FARSA: variants seen among roughly 807,000 people sequenced by gnomAD.
FARSA encodes the protein phenylalanine--tRNA ligase alpha subunit.
Under a neutral mutation model 63.2 loss-of-function variants are expected in FARSA, and 37 were observed. That is an observed-to-expected ratio of 0.59 (90% CI 0.45 to 0.77). The LOEUF (loss-of-function observed/expected upper bound fraction) is 0.77, where lower values mean the gene tolerates loss of function less well. Among genes scored for constraint, FARSA ranks in the 30% least tolerant of loss-of-function variants. The pLI is 0.00. For synonymous variants in FARSA, 312 were observed against 285.1 expected, an observed-to-expected ratio of 1.09 and a Z score of -0.95; for missense variants, 618 against 696.6, an observed-to-expected ratio of 0.89 and a Z score of 1.27.
chr19:12,924,940 T>C lies in FARSA; in HGVS notation c.990A>G (p.Ser330=). ...GGCGGTAGAGCGCACGGGCGCTGGC[T>C]GATGTGGTGTGGGTTCGCAGTAGGT... is the stretch of plus-strand genomic sequence containing the variant. ...RKNLLRTHTT[S]ASARALYRLA... The change falls in exon 9 of 13, where the codon TCA becomes TCG. Residue 330 remains serine, a synonymous_variant. Transcript: ENST00000314606. This position sits in a 1 kb window ranked among gnomAD's most constrained non-coding sequence, Gnocchi z 6.4. 1 of 1,614,224 alleles carries C rather than the reference T, an allele frequency of 6.2e-7. No individual in the cohort carries two copies. The highest frequency in any genetic ancestry group is 8.5e-7 in the Non-Finnish European group (1 of 1,180,030).
intron 4 of FARSA, among the ~76,000 whole-genome samples, chr19:12,929,893 A>G (rs775612798): frequency 1.3e-5 from 2 of 152,130 alleles, no homozygotes; most frequent in Non-Finnish European, 2.9e-5. Flanking sequence ...AAAGAAATGA[A>G]CAAGCACCAA....
intron 1 of FARSA, among the ~76,000 whole-genome samples, chr19:12,931,350 G>T (rs1971392908): frequency 6.6e-6 from 1 of 151,728 alleles, no homozygotes; most frequent in South Asian, 2.1e-4. Flanking sequence ...TGCAACCTCT[G>T]CCTCCCGGGT....
In FARSA at chr19:12,924,257, T is replaced by TC. The variant is rs1971299229; in HGVS notation, c.1281dup (p.Lys428GlufsTer62). The stretch of plus-strand genomic sequence containing the variant: ...CCCGAGTTTCCGACCTCCACCCACT[T>TC]CTTCAGGCCTGCAGAGGCAGGACAG... On this transcript the variant is annotated frameshift_variant, in exon 12 of 13. Coordinates refer to ENST00000314606, the MANE Select transcript of FARSA (RefSeq NM_004461.3). LOFTEE classifies it high-confidence loss of function. The surrounding 1 kb of genome is among the most constrained non-coding windows in gnomAD (Gnocchi z 6.4). 2 of 1,613,890 alleles carry TC rather than the reference T, an allele frequency of 1.2e-6. No individual in the cohort carries two copies. The highest frequency in any genetic ancestry group is 3.3e-5 in the Admixed American group (2 of 60,000).
At position 12,924,908 on chromosome 19, in the gene FARSA, T is replaced by C. The variant is rs35087277; in HGVS notation, c.1022A>G (p.Gln341Arg). The part of the protein sequence containing the change: ...ASARALYRLA[Q>R]KKPFTPVKYF... Reference sequence around the variant, plus strand: ...CCCCGCCTGGGCCAACCGCACCTTCTGGGCAAGGCGGTAGAGCGCACGGGC... The same window carrying C: ...CCCCGCCTGGGCCAACCGCACCTTCCGGGCAAGGCGGTAGAGCGCACGGGC... Residue 341 changes from glutamine (Q) to arginine (R), a missense_variant, in exon 9 of 13, where the codon CAG becomes CGG. Coordinates refer to ENST00000314606, the MANE Select transcript of FARSA (RefSeq NM_004461.3). The surrounding 1 kb of genome is among the most constrained non-coding windows in gnomAD (Gnocchi z 6.4). 47,236 of 1,614,218 alleles carry C rather than the reference T, an allele frequency of 0.029. 843 individuals carry two copies. Among genetic ancestry groups the C allele is most frequent in the Non-Finnish European group, 0.034 (40,510 of 1,180,020 alleles).
In FARSA at chr19:12,924,344, G is replaced by A. The variant is rs1971300059; in HGVS notation, c.1274-79C>T. 6.5e-7 allele frequency: 1 copy of A among 1,531,990 alleles called. No homozygotes were observed. Among genetic ancestry groups the A allele is most frequent in the African/African-American group, 1.4e-5 (1 of 73,490 alleles). 94.9% of individuals were successfully genotyped at this position (1,531,990 alleles called of 1,614,324 possible). ...GCTGGTACAGGTTCTGGGTCTAGGT[G>A]GTGAGCTTGGGAGGTGGGGTACAGG... On this transcript the variant is annotated intron_variant, in intron 11 of 12. Coordinates refer to ENST00000314606, the MANE Select transcript of FARSA (RefSeq NM_004461.3). This position sits in a 1 kb window ranked among gnomAD's most constrained non-coding sequence, Gnocchi z 6.4.
In FARSA at chr19:12,930,866, C is replaced by T. The variant is rs1210624205; in HGVS notation, c.148-117G>A. ...ACAGCCCTTAAAGCTAGGTTCACATCCCAGCTATACAACTTTACAGCCAAG... is the reference window on the plus strand; with the variant it reads ...ACAGCCCTTAAAGCTAGGTTCACATTCCAGCTATACAACTTTACAGCCAAG... On this transcript the variant is annotated intron_variant, in intron 1 of 12. Transcript: ENST00000314606. The T allele has an allele frequency of 6.7e-6, 8 of 1,201,074 alleles. No homozygotes were observed. In the South Asian group the frequency reaches 1.0e-4, roughly 15 times the overall value. 74.4% of individuals were successfully genotyped at this position (1,201,074 alleles called of 1,614,324 possible). A position where few individuals can be genotyped will look rare whatever the true frequency, so the allele number is the denominator to read the frequency against.
chr19:12,924,684 A>C lies in FARSA; in HGVS notation c.1150T>G (p.Leu384Val), dbSNP rs576348484. 8 of 1,592,108 alleles carry C rather than the reference A, an allele frequency of 5.0e-6. No individual in the cohort carries two copies. In the South Asian group the frequency reaches 9.1e-5, roughly 18 times the overall value. ...CGCAGAACGCCCATGAGGTGGCCCA[A>C]GGTGAGACCATGATCCGCCACCACG... ...EGVVADHGLT[L>V]GHLMGVLREF... is the part of the protein sequence containing the mutation. The change falls in exon 10 of 13, where the codon TTG becomes GTG. Residue 384 changes from leucine (L) to valine (V), a missense_variant. Coordinates refer to ENST00000314606, the MANE Select transcript of FARSA (RefSeq NM_004461.3). The surrounding 1 kb of genome is among the most constrained non-coding windows in gnomAD (Gnocchi z 6.4).
intron 7 of FARSA, among the ~76,000 whole-genome samples, chr19:12,925,509 C>T (rs1323154403): frequency 6.6e-6 from 1 of 151,538 alleles, no homozygotes; most frequent in Admixed American, 6.6e-5. Context: ...AGGTGCCTGC[C>T]ACCACACCCG....
chr19:12,928,475 C>A lies in FARSA; in HGVS notation c.726-18G>T. On this transcript the variant is annotated intron_variant, in intron 6 of 12. Coordinates refer to ENST00000314606, the MANE Select transcript of FARSA (RefSeq NM_004461.3). ...CGGTGAACCTGGTGGGAGACACAGCCTGACTGCCCTGCCTGTACCCAGCAG... is the reference window on the plus strand; with the variant it reads ...CGGTGAACCTGGTGGGAGACACAGCATGACTGCCCTGCCTGTACCCAGCAG... 1.2e-6 allele frequency: 2 copies of A among 1,613,972 alleles called. No homozygotes were observed. The highest frequency in any genetic ancestry group is 1.7e-6 in the Non-Finnish European group (2 of 1,179,906).
intron 7 of FARSA, 50 bp from the exon 8 acceptor site, chr19:12,925,224 C>CA: frequency 8.6e-7 from 1 of 1,164,666 alleles, no homozygotes; most frequent in Non-Finnish European, 1.2e-6. Context: ...TTTCCCACCC[C>CA]TTTTTTTTTT....
Position 12,925,161 on chromosome 19 carries a change from G to T in FARSA, c.855C>A (p.Ala285=), listed in dbSNP as rs761722571. The change falls in exon 8 of 13, where the codon GCC becomes GCA. Residue 285 remains alanine (A), a synonymous_variant. Coordinates refer to ENST00000314606, the MANE Select transcript of FARSA (RefSeq NM_004461.3). ...DTFFLRDPAE[A]LQLPMDYVQR... ...GGACATAGTCCATTGGGAGCTGCAG[G>T]GCCTCCGCTGGATCTGGGCAGGACA... The T allele has an allele frequency of 3.8e-6, 6 of 1,592,698 alleles. No individual in the cohort carries two copies. In the South Asian group the frequency reaches 6.8e-5, roughly 18 times the overall value.
At chr19:12,929,203 G>C (rs1971364021) in intron 4 of FARSA, among the ~76,000 whole-genome samples, 1 of 152,022 alleles carries the variant, frequency 6.6e-6, no homozygotes, top group South Asian at 2.1e-4. Context: ...TTTTTTATTT[G>C]TTTGTTTGTT....
rs749690414 is a variant in FARSA at position 12,925,021 on chromosome 19, G to A, written c.927-18C>T. On this transcript the variant is annotated intron_variant, in intron 8 of 12. Coordinates refer to ENST00000314606, the MANE Select transcript of FARSA (RefSeq NM_004461.3). The stretch of plus-strand genomic sequence containing the variant: ...ACTTGTACCTTCAGGAGGGAAGGTG[G>A]GAAGTCCATGCAATGGCCCAGGGGT... 49 of 1,612,782 alleles carry A rather than the reference G, an allele frequency of 3.0e-5. No homozygotes were observed. The highest frequency in any genetic ancestry group is 3.9e-5 in the Non-Finnish European group (46 of 1,178,912).
intron 4 of FARSA, among the ~76,000 whole-genome samples, 176 bp downstream of exon 4, chr19:12,930,047 G>A (rs1384288567): frequency 6.6e-6 from 1 of 152,130 alleles, no homozygotes; most frequent in African/African-American, 2.4e-5. Flanking sequence ...TCAGCAGAAG[G>A]GTCCTCATGG....
chr19:12,928,058 G>A (rs546023264), intron 7 of FARSA, among the ~76,000 whole-genome samples: 2 of 150,308 alleles, frequency 1.3e-5, no homozygotes, highest in East Asian at 1.9e-4. Flanking sequence ...GACTGCAGGT[G>A]GCATAATGAG....
chr19:12,927,646 C>T (rs1034650593), intron 7 of FARSA, among the ~76,000 whole-genome samples: 24 of 142,300 alleles, frequency 1.7e-4, no homozygotes, highest in African/African-American at 6.1e-4. Context: ...GCAGGAGAAT[C>T]GCTTGAACCC....
At chr19:12,933,512 C>A in intron 1 of FARSA, 38 bp downstream of exon 1, 1 of 1,534,020 alleles carries the variant, frequency 6.5e-7, no homozygotes, top group South Asian at 1.2e-5. Context: ...ACTGTAGGTG[C>A]AAGGGCAAGG....
In FARSA at chr19:12,928,558, G is replaced by A. The variant is rs749325122; in HGVS notation, c.702C>T (p.Phe234=). Residue 234 remains phenylalanine (F), a synonymous_variant, in exon 6 of 13, where the codon TTC becomes TTT. Transcript: ENST00000314606. ...ACCCCATCTCCAGGAAGATCTGTCG[G>A]AACTGGGAGCGGACCTTGAGCAGCG... ...LHPLLKVRSQ[F]RQIFLEMGFT... is the part of the protein sequence containing the mutation. The A allele has an allele frequency of 1.9e-6, 3 of 1,614,100 alleles. No individual in the cohort carries two copies. Among genetic ancestry groups the A allele is most frequent in the Non-Finnish European group, 2.5e-6 (3 of 1,179,992 alleles).
intron 7 of FARSA, among the ~76,000 whole-genome samples, chr19:12,928,023 C>CAAA (rs34586259): frequency 0.58 from 42,085 of 73,158 alleles, 13,032 homozygotes; most frequent in East Asian, 0.77. Flanking sequence ...GACCCTGTCT[C>CAAA]AAAAAAAAAA....
Sources: allele counts gnomAD v4.1 joint callset (sites outside exome capture counted in the v4.1 genomes callset), GRCh38; gene constraint gnomAD v4.1.1; non-coding constraint Gnocchi (gnomAD v3.1); transcripts MANE v1.5; gene names NCBI Gene and HGNC (gene_info 2026-07-23, HGNC 2026-07-21).